CTBP1: variants seen among roughly 807,000 people sequenced by gnomAD.
CTBP1 encodes the protein C-terminal-binding protein 1.
CTBP1 carries 11 observed loss-of-function variants against 42.1 expected under a neutral mutation model. That is an observed-to-expected ratio of 0.26 (90% CI 0.16 to 0.43). CTBP1 has a LOEUF of 0.43. Among genes scored for constraint, CTBP1 ranks in the 20% least tolerant of loss-of-function variants. The pLI is 1.00. For missense variants in CTBP1, 399 were observed against 624.3 expected, an observed-to-expected ratio of 0.64 and a Z score of 3.85; for synonymous variants, 324 against 277.1, an observed-to-expected ratio of 1.17 and a Z score of -1.68.
rs138452063 is a variant in CTBP1 at position 1,215,370 on chromosome 4, C to T, written c.729+621G>A. ...ACAAACATGCAGACACATGCACCCA[C>T]GCACACTTGCCCACACACATACACA... is the stretch of plus-strand genomic sequence containing the variant. On this transcript the variant is annotated intron_variant, in intron 6 of 9. Coordinates refer to ENST00000382952, the MANE Select transcript of CTBP1 (RefSeq NM_001012614.2). 1.2e-3 allele frequency among the ~76,000 whole-genome samples: 182 copies of T among 152,354 alleles called. 2 individuals carry two copies. Among genetic ancestry groups the T allele is most frequent in the South Asian group, 3.9e-3 (19 of 4,834 alleles).
At chr4:1,224,064 C>A (rs1474981362) in intron 5 of CTBP1, among the ~76,000 whole-genome samples, 1 of 151,984 alleles carries the variant, frequency 6.6e-6, no homozygotes, top group Non-Finnish European at 1.5e-5. Flanking sequence ...TGCCCGAACC[C>A]CGGCCCCAGC....
At chr4:1,224,174 CG>C (rs1730060745) in intron 5 of CTBP1, among the ~76,000 whole-genome samples, 1 of 152,178 alleles carries the variant, frequency 6.6e-6, no homozygotes, top group Admixed American at 6.5e-5. Context: ...TATCTGCGTA[CG>C]TGCCCATGAC....
chr4:1,241,481 G>C lies in CTBP1; in HGVS notation c.-150C>G, dbSNP rs766104265. On this transcript the variant is annotated 5_prime_UTR_variant, in exon 2 of 10. Coordinates refer to ENST00000382952, the MANE Select transcript of CTBP1 (RefSeq NM_001012614.2). ...GCCAAAGTGCTCAGGCTTCTGATCC[G>C]CGGCAATCACTGAAGCCTGCGTCGG... is the stretch of plus-strand genomic sequence containing the variant. The C allele has an allele frequency of 1.2e-6, 2 of 1,603,836 alleles. No homozygotes were observed. Among genetic ancestry groups the C allele is most frequent in the Non-Finnish European group, 1.7e-6 (2 of 1,176,602 alleles).
intron 1 of CTBP1, among the ~76,000 whole-genome samples, chr4:1,247,551 G>T (rs1257161430): frequency 6.6e-6 from 1 of 152,118 alleles, no homozygotes; most frequent in Non-Finnish European, 1.5e-5. Flanking sequence ...CCCCCAAACC[G>T]CAGCTGTCAT....
chr4:1,216,075 C>G lies in CTBP1; in HGVS notation c.645G>C (p.Leu215=). The G allele has an allele frequency of 6.2e-7, 1 of 1,611,502 alleles. No individual in the cohort carries two copies. The change falls in exon 6 of 10, where the codon CTG becomes CTC. Residue 215 remains leucine, a synonymous_variant. Coordinates refer to ENST00000382952, the MANE Select transcript of CTBP1 (RefSeq NM_001012614.2). The part of the protein sequence containing the change: ...GLQRVSTLQD[L]LFHSDCVTLH... The stretch of plus-strand genomic sequence containing the variant: ...GGGTCACGCAGTCGCTGTGGAAGAG[C>G]AGGTCCTGCAGGGTGCTGACACGCT...
intron 4 of CTBP1, among the ~76,000 whole-genome samples, chr4:1,226,509 C>T (rs561336293): frequency 6.6e-5 from 10 of 151,152 alleles, no homozygotes; most frequent in South Asian, 4.2e-4. Flanking sequence ...CTCACTTGGA[C>T]GTAAAAATGT....
intron 5 of CTBP1, chr4:1,223,280 C>T (rs73069921): frequency 0.019 from 6,840 of 364,458 alleles, 405 homozygotes; most frequent in African/African-American, 0.12. Flanking sequence ...GAGGAACAGG[C>T]ACCTCAGGGC....
intron 3 of CTBP1, among the ~76,000 whole-genome samples, chr4:1,228,577 G>T (rs1006827135): frequency 2.6e-5 from 4 of 152,216 alleles, no homozygotes; most frequent in Non-Finnish European, 5.9e-5. Flanking sequence ...CTCCTCAGCC[G>T]CATGTAGGCT....
intron 6 of CTBP1, chr4:1,215,693 A>G (rs535259278): frequency 4.2e-4 from 185 of 444,162 alleles, no homozygotes; most frequent in Non-Finnish European, 4.4e-4. Flanking sequence ...GCCCCCAGGT[A>G]GCTGCATCTG....
At chr4:1,228,000 G>A (rs554394178) in intron 4 of CTBP1, among the ~76,000 whole-genome samples, 199 bp downstream of exon 4, 2 of 152,342 alleles carry the variant, frequency 1.3e-5, no homozygotes, top group South Asian at 2.1e-4. Context: ...AAGAGAGGAA[G>A]TGCCCTGAGA....
chr4:1,215,585 A>G (rs550133500), intron 6 of CTBP1: 1 of 276,766 alleles, frequency 3.6e-6, no homozygotes, highest in African/African-American at 2.2e-5. Flanking sequence ...AGCCCTTTCC[A>G]GCTGCAGATG....
At chr4:1,231,025 A>G (rs2108765027) in intron 3 of CTBP1, 1 of 152,382 alleles carries the variant, frequency 6.6e-6, no homozygotes, top group East Asian at 1.9e-4. Context: ...CAGGTTTAAC[A>G]ACATAGTATT....
In CTBP1 at chr4:1,232,036, G is replaced by T. The variant is rs146559107; in HGVS notation, c.163-3693C>A. Among the ~76,000 whole-genome samples, 114 of 152,358 alleles carry T rather than the reference G, an allele frequency of 7.5e-4. 1 individual carries two copies. Among genetic ancestry groups the T allele is most frequent in the Non-Finnish European group, 1.3e-3 (91 of 68,036 alleles). On this transcript the variant is annotated intron_variant, in intron 3 of 9. Transcript: ENST00000382952. ...TTTTTCTGTTTCTACTGATTGGGAG[G>T]AGTCTTTGAATATATAAACTTTTTC... is the stretch of plus-strand genomic sequence containing the variant.
intron 1 of CTBP1, chr4:1,243,563 G>A (rs572694640): frequency 1.0e-6 from 1 of 985,380 alleles, no homozygotes; most frequent in Non-Finnish European, 1.2e-6. Context: ...CCACCCTGGG[G>A]CCACTGTGCA....
chr4:1,212,988 T>C lies in CTBP1; in HGVS notation c.1031A>G (p.His344Arg), dbSNP rs751005502. The C allele has an allele frequency of 1.2e-6, 2 of 1,613,926 alleles. No homozygotes were observed. The highest frequency in any genetic ancestry group is 1.3e-5 in the African/African-American group (1 of 75,042). ...GGCCCAGTGGGTGGCGGCTGTCAGA[T>C]GGTCCTTGTTGACACAGTTCTTCAG... The part of the protein sequence containing the change: ...DSLKNCVNKD[H>R]LTAATHWASM... The change falls in exon 9 of 10, where the codon CAT (histidine) becomes CGT (arginine). Residue 344 changes from histidine (H) to arginine (R), a missense_variant. Physicochemically the swap from His to Arg is conservative, Grantham distance 29. This residue lies in a region of CTBP1 where 309 missense variants were observed against 497.5 expected (regional missense o/e 0.62). Transcript: ENST00000382952.
intron 5 of CTBP1, among the ~76,000 whole-genome samples, chr4:1,222,930 C>A (rs897927790): frequency 8.2e-6 from 1 of 122,542 alleles, no homozygotes; most frequent in Admixed American, 7.7e-5. Flanking sequence ...ACAGACACAG[C>A]CCATACCCCC....
intron 8 of CTBP1, 37 bp from the exon 9 acceptor site, chr4:1,213,067 G>A (rs1728712210): frequency 6.3e-7 from 1 of 1,593,804 alleles, no homozygotes; most frequent in Non-Finnish European, 8.6e-7. Context: ...CTGTGGCTCT[G>A]AGGGGGCCCC....
intron 5 of CTBP1, chr4:1,216,458 C>T (rs1445213509): frequency 3.4e-6 from 2 of 587,750 alleles, no homozygotes; most frequent in African/African-American, 3.7e-5. Flanking sequence ...CCCACACCAG[C>T]TGCCAGCCAC....
intron 2 of CTBP1, among the ~76,000 whole-genome samples, chr4:1,239,473 G>A (rs1010551409): frequency 3.3e-5 from 5 of 152,200 alleles, no homozygotes; most frequent in African/African-American, 4.8e-5. Context: ...CAGTGGCCGC[G>A]GCCACAAGCA....
Sources: gnomAD v4.1 joint callset for allele counts (sites outside exome capture counted in the v4.1 genomes callset) on GRCh38, gnomAD v4.1.1 for gene constraint, gnomAD v4.1.1 regional missense constraint, MANE v1.5 for transcripts, NCBI Gene and HGNC (gene_info 2026-07-23, HGNC 2026-07-21) for gene names.